The following SUCLG2 variants were observed in gnomAD, a reference collection of about 807,000 sequenced individuals.
SUCLG2 encodes the protein succinate--CoA ligase [GDP-forming] subunit beta, mitochondrial.
In SUCLG2, 42 loss-of-function variants were observed where a neutral mutation model predicts 47.9. That is an observed-to-expected ratio of 0.88 (90% CI 0.69 to 1.14). The LOEUF (loss-of-function observed/expected upper bound fraction) is 1.14, where lower values mean the gene tolerates loss of function less well. Among genes scored for constraint, SUCLG2 ranks in the 50% most tolerant of loss-of-function variants. SUCLG2 has a pLI of 0.00. For synonymous variants in SUCLG2, 195 were observed against 197.3 expected, an observed-to-expected ratio of 0.99 and a Z score of 0.10; for missense variants, 571 against 525.9, an observed-to-expected ratio of 1.09 and a Z score of -0.84.
In SUCLG2 at chr3:67,375,879, C is replaced by A. The variant is rs773879070; in HGVS notation, c.1184-20G>T. 59 of 1,609,404 alleles carry A rather than the reference C, an allele frequency of 3.7e-5. No individual in the cohort carries two copies. The highest frequency in any genetic ancestry group is 4.8e-5 in the Non-Finnish European group (56 of 1,177,798). On this transcript the variant is annotated intron_variant, in intron 10 of 10. Transcript: ENST00000307227. ...TGGTTCCTAGAAGGGGGACAGGGAACAATCACTGAATGAAACTAGAGGTGG... is the reference window on the plus strand; with the variant it reads ...TGGTTCCTAGAAGGGGGACAGGGAAAAATCACTGAATGAAACTAGAGGTGG...
rs141748207 is a variant in SUCLG2 at position 67,531,911 on chromosome 3, A to C, written c.227-2725T>G. Among the ~76,000 whole-genome samples the C allele has an allele frequency of 2.6e-5, 4 of 152,264 alleles. No homozygotes were observed. In the East Asian group the frequency reaches 7.7e-4, roughly 29 times the overall value. On this transcript the variant is annotated intron_variant, in intron 2 of 10. Transcript: ENST00000307227. ...TACCAAATTGATTCACATGTACTAA[A>C]TGTCACTGTTTCTATTTATTTAAAG...
chr3:67,439,307 A>G (rs1703700354), intron 9 of SUCLG2, among the ~76,000 whole-genome samples: 1 of 152,190 alleles, frequency 6.6e-6, no homozygotes. Context: ...AGCTGGAAGT[A>G]TTTCCTTTGA....
At chr3:67,500,436 T>G (rs541792333) in intron 7 of SUCLG2, among the ~76,000 whole-genome samples, 1 of 152,368 alleles carries the variant, frequency 6.6e-6, no homozygotes, top group African/African-American at 2.4e-5. Flanking sequence ...TGGAAGTTAA[T>G]GTCTGCTTAA....
At chr3:67,444,220 G>A (rs1461064410) in intron 9 of SUCLG2, among the ~76,000 whole-genome samples, 21 of 41,004 alleles carry the variant, frequency 5.1e-4, no homozygotes, top group South Asian at 1.4e-3. Context: ...GCCTCTGCCC[G>A]GCCGCCCCTA....
At chr3:67,409,815 G>A (rs1575677280) in intron 9 of SUCLG2, among the ~76,000 whole-genome samples, 1 of 151,928 alleles carries the variant, frequency 6.6e-6, no homozygotes, top group Non-Finnish European at 1.5e-5. Flanking sequence ...ATAGAATGAA[G>A]ACATCTTCCA....
intron 1 of SUCLG2, among the ~76,000 whole-genome samples, chr3:67,637,345 A>AT (rs1701027455): frequency 6.6e-6 from 1 of 152,236 alleles, no homozygotes; most frequent in South Asian, 2.1e-4. Context: ...GAAAACACTT[A>AT]TTCAGAAGAT....
intron 10 of SUCLG2, among the ~76,000 whole-genome samples, chr3:67,394,638 C>G (rs959346128): frequency 1.3e-5 from 2 of 151,866 alleles, no homozygotes; most frequent in African/African-American, 4.8e-5. Flanking sequence ...TCTAGCAAGG[C>G]AGGACAACAT....
rs1559587055 is a variant in SUCLG2 at position 67,592,743 on chromosome 3, A to AAAAAAAAAAAAAAAAAC, written c.226+16711_226+16712insGTTTTTTTTTTTTTTTT. Among the ~76,000 whole-genome samples, 35 of 148,584 alleles carry AAAAAAAAAAAAAAAAAC rather than the reference A, an allele frequency of 2.4e-4. 2 individuals are homozygous for AAAAAAAAAAAAAAAAAC. The highest frequency in any genetic ancestry group is 8.7e-4 in the African/African-American group (34 of 39,100). The stretch of plus-strand genomic sequence containing the variant: ...CAAAAAAAAAAAAAAAAAACAACAA[A>AAAAAAAAAAAAAAAAAC]AAAAAACTGAATATCAAAGCCACAG... On this transcript the variant is annotated intron_variant, in intron 2 of 10. Transcript: ENST00000307227.
At chr3:67,577,130 A>G (rs947737044) in intron 2 of SUCLG2, among the ~76,000 whole-genome samples, 2 of 152,124 alleles carry the variant, frequency 1.3e-5, no homozygotes, top group African/African-American at 2.4e-5. Flanking sequence ...CCAACATGGC[A>G]AAATCTCATC....
chr3:67,435,098 G>A (rs1335432748), intron 9 of SUCLG2, among the ~76,000 whole-genome samples: 1 of 152,120 alleles, frequency 6.6e-6, no homozygotes, highest in East Asian at 1.9e-4. Context: ...GTAAACTACA[G>A]TAGGACCTCT....
chr3:67,513,969 C>T (rs941573588), intron 6 of SUCLG2: 1 of 230,640 alleles, frequency 4.3e-6, no homozygotes, highest in South Asian at 5.9e-5. Context: ...CTCCATCGCG[C>T]CTGGCCACTC....
intron 2 of SUCLG2, among the ~76,000 whole-genome samples, chr3:67,542,542 G>A (rs556172833): frequency 6.6e-6 from 1 of 152,308 alleles, no homozygotes; most frequent in South Asian, 2.1e-4. Context: ...TGGCACACTG[G>A]ATAAAGAGTC....
intron 9 of SUCLG2, among the ~76,000 whole-genome samples, chr3:67,478,003 A>T (rs923817798): frequency 1.3e-5 from 2 of 152,222 alleles, no homozygotes; most frequent in African/African-American, 4.8e-5. Flanking sequence ...GATAGGTACT[A>T]TTATCATGTC....
At chr3:67,531,180 CA>C in intron 2 of SUCLG2, among the ~76,000 whole-genome samples, 1 of 152,154 alleles carries the variant, frequency 6.6e-6, no homozygotes, top group East Asian at 1.9e-4. Flanking sequence ...TAATTTTCAG[CA>C]ATTAAGAAAA....
chr3:67,592,735 A>AC (rs1708195114), intron 2 of SUCLG2, among the ~76,000 whole-genome samples: 1 of 79,434 alleles, frequency 1.3e-5, no homozygotes, highest in Admixed American at 1.0e-4. Flanking sequence ...AAAAAAAAAA[A>AC]ACAACAAAAA....
At chr3:67,366,861 T>C (rs1212085452) in intron 10 of SUCLG2, among the ~76,000 whole-genome samples, 1 of 152,190 alleles carries the variant, frequency 6.6e-6, no homozygotes, top group African/African-American at 2.4e-5. Context: ...CCTTACACAA[T>C]GCCTTTTTCT....
At chr3:67,566,477 A>G (rs1346284028) in intron 2 of SUCLG2, among the ~76,000 whole-genome samples, 1 of 152,230 alleles carries the variant, frequency 6.6e-6, no homozygotes, top group Non-Finnish European at 1.5e-5. Flanking sequence ...AGTCACATAT[A>G]CATATGTATC....
chr3:67,548,879 A>C (rs1706935705), intron 2 of SUCLG2, among the ~76,000 whole-genome samples: 1 of 152,212 alleles, frequency 6.6e-6, no homozygotes, highest in Non-Finnish European at 1.5e-5. Flanking sequence ...GACTATCCAA[A>C]GGCGTATAAA....
rs117982480 is a variant in SUCLG2 at position 67,497,743 on chromosome 3, T to C, written c.919+391A>G. Among the ~76,000 whole-genome samples, 681 of 152,320 alleles carry C rather than the reference T, an allele frequency of 4.5e-3. 12 individuals carry two copies. The East Asian group carries it at 0.059, about 13-fold the overall frequency. Reference sequence around the variant, plus strand: ...GATGTTTTAAGTCAATATTTCTCAGTTGGGGTGATTTTTGCATACCACAGC... The same window carrying C: ...GATGTTTTAAGTCAATATTTCTCAGCTGGGGTGATTTTTGCATACCACAGC... On this transcript the variant is annotated intron_variant, in intron 8 of 10. Coordinates refer to ENST00000307227, the MANE Select transcript of SUCLG2 (RefSeq NM_003848.4).
Sources: gnomAD v4.1 joint callset for allele counts (sites outside exome capture counted in the v4.1 genomes callset) on GRCh38, gnomAD v4.1.1 for gene constraint, MANE v1.5 for transcripts, NCBI Gene and HGNC (gene_info 2026-07-23, HGNC 2026-07-21) for gene names.